LRP12: variants seen among roughly 807,000 people sequenced by gnomAD.
LRP12 encodes low-density lipoprotein receptor-related protein 12.
Under a neutral mutation model 66.0 loss-of-function variants are expected in LRP12, and 14 were observed. That is an observed-to-expected ratio of 0.21 (90% confidence interval 0.14 to 0.33). The LOEUF (loss-of-function observed/expected upper bound fraction) is 0.33, where lower values mean the gene tolerates loss of function less well. Among genes scored for constraint, LRP12 ranks in the 10% least tolerant of loss-of-function variants. The pLI is 1.00. For synonymous variants in LRP12, 357 were observed against 359.1 expected (o/e 0.99, Z 0.07); for missense variants, 889 against 1,053.4 (o/e 0.84, Z 2.16).
chr8:104,555,810 G>C (rs1404128647), intron 1 of LRP12, among the ~76,000 whole-genome samples: 2 of 151,756 alleles, frequency 1.3e-5, no homozygotes, highest in African/African-American at 4.8e-5. Flanking sequence ...AAAACAAATG[G>C]ACTTAACAGA....
At chr8:104,491,849 T>C (rs1810637325) in intron 6 of LRP12, among the ~76,000 whole-genome samples, 1 of 152,114 alleles carries the variant, frequency 6.6e-6, no homozygotes, top group African/African-American at 2.4e-5. Context: ...CACATCGTAA[T>C]CCAACATGAA....
chr8:104,537,960 C>T (rs1215555991), intron 1 of LRP12, among the ~76,000 whole-genome samples: 1 of 152,140 alleles, frequency 6.6e-6, no homozygotes, highest in Admixed American at 6.6e-5. Context: ...CCTCATCATC[C>T]TGACAAAATA....
chr8:104,566,960 T>C (rs972567021), intron 1 of LRP12, among the ~76,000 whole-genome samples: 1 of 151,650 alleles, frequency 6.6e-6, no homozygotes, highest in Admixed American at 6.6e-5. Context: ...TGTAAATATA[T>C]AATTATATAC....
intron 4 of LRP12, among the ~76,000 whole-genome samples, chr8:104,499,050 G>C (rs1476765031): frequency 6.6e-6 from 1 of 152,146 alleles, no homozygotes; most frequent in Non-Finnish European, 1.5e-5. Context: ...AGGGAGAAAA[G>C]GCTATTCTTA....
intron 2 of LRP12, among the ~76,000 whole-genome samples, chr8:104,528,874 T>C (rs1451627427): frequency 1.3e-5 from 2 of 152,204 alleles, no homozygotes; most frequent in African/African-American, 4.8e-5. Context: ...ATAATTGGAA[T>C]AGATTTCATG....
chr8:104,553,494 G>C (rs1811758332), intron 1 of LRP12, among the ~76,000 whole-genome samples: 1 of 152,120 alleles, frequency 6.6e-6, no homozygotes, highest in Non-Finnish European at 1.5e-5. Flanking sequence ...CTGGCGACCT[G>C]TATGATACAG....
chr8:104,547,765 C>A (rs1446394837), intron 1 of LRP12, among the ~76,000 whole-genome samples: 8 of 121,348 alleles, frequency 6.6e-5, no homozygotes, highest in South Asian at 2.5e-4. Flanking sequence ...ATATATAATT[C>A]TATATTATAT....
At chr8:104,580,097 C>T (rs867110935) in intron 1 of LRP12, among the ~76,000 whole-genome samples, 1 of 152,042 alleles carries the variant, frequency 6.6e-6, no homozygotes, top group African/African-American at 2.4e-5. Flanking sequence ...ATTAAACTGA[C>T]GAGCTTCTGT....
chr8:104,493,053 T>C (rs1810662238), intron 6 of LRP12, among the ~76,000 whole-genome samples: 1 of 152,188 alleles, frequency 6.6e-6, no homozygotes. Flanking sequence ...ACATACTTTA[T>C]TGCTGACTTT....
intron 3 of LRP12, among the ~76,000 whole-genome samples, chr8:104,502,523 C>A (rs1353858328): frequency 1.3e-5 from 2 of 152,206 alleles, no homozygotes; most frequent in African/African-American, 2.4e-5. Context: ...TGCATCCTGA[C>A]ACCTCAAGCT....
At chr8:104,546,324 CA>C (rs1353867061) in intron 1 of LRP12, among the ~76,000 whole-genome samples, 6 of 152,094 alleles carry the variant, frequency 3.9e-5, no homozygotes, top group Non-Finnish European at 7.4e-5. Flanking sequence ...TATGTCCAGT[CA>C]AGCAACCAAC....
At chr8:104,553,601 G>T (rs1272584010) in intron 1 of LRP12, among the ~76,000 whole-genome samples, 1 of 152,150 alleles carries the variant, frequency 6.6e-6, no homozygotes, top group Non-Finnish European at 1.5e-5. Flanking sequence ...TGCCCAAGGA[G>T]AGTTTGAGCT....
chr8:104,534,068 C>CAAAA (rs35546158), intron 1 of LRP12, among the ~76,000 whole-genome samples: 5 of 135,860 alleles, frequency 3.7e-5, no homozygotes, highest in Admixed American at 7.4e-5. Context: ...TTTATAATAG[C>CAAAA]AAAAAAAAAA....
At chr8:104,588,471 T>C (rs1294940191) in intron 1 of LRP12, among the ~76,000 whole-genome samples, 1 of 152,126 alleles carries the variant, frequency 6.6e-6, no homozygotes, top group Non-Finnish European at 1.5e-5. Context: ...GTCAAGCATC[T>C]TTGTGTGTGG....
chr8:104,514,654 C>A (rs918554786), intron 2 of LRP12, among the ~76,000 whole-genome samples: 12 of 151,436 alleles, frequency 7.9e-5, no homozygotes, highest in Admixed American at 7.9e-4. Flanking sequence ...CCAGCCTGGG[C>A]AACAGAGCAA....
intron 1 of LRP12, among the ~76,000 whole-genome samples, chr8:104,566,845 A>G (rs1415402325): frequency 6.6e-6 from 1 of 152,202 alleles, no homozygotes; most frequent in Non-Finnish European, 1.5e-5. Flanking sequence ...GATGTAAATA[A>G]TAAGAGTGAA....
At chr8:104,498,909 TGTC>T (rs1361579586) in intron 4 of LRP12, among the ~76,000 whole-genome samples, 2 of 152,210 alleles carry the variant, frequency 1.3e-5, no homozygotes, top group Non-Finnish European at 2.9e-5. Flanking sequence ...AAAGAAAAGA[TGTC>T]GTTTTTTCTG....
At chr8:104,566,832 T>C (rs189657137) in intron 1 of LRP12, among the ~76,000 whole-genome samples, 5 of 152,264 alleles carry the variant, frequency 3.3e-5, no homozygotes, top group Admixed American at 3.3e-4. Flanking sequence ...TAGATCACTG[T>C]TTGATGTAAA....
chr8:104,508,378 A>G, intron 3 of LRP12: 1 of 152,150 alleles, frequency 6.6e-6, no homozygotes, highest in African/African-American at 2.4e-5. Flanking sequence ...ACTTACAGCT[A>G]TTTCCCCTAG....
Sources: gnomAD v4.1 joint callset for allele counts (sites outside exome capture counted in the v4.1 genomes callset) on GRCh38, gnomAD v4.1.1 for gene constraint, MANE v1.5 for transcripts, NCBI Gene and HGNC (gene_info 2026-07-23, HGNC 2026-07-21) for gene names.